The following CNTN4 variants were observed in gnomAD, a reference collection of about 807,000 sequenced individuals.
The protein encoded by CNTN4 is contactin 4.
In CNTN4, 77 loss-of-function variants were observed where a neutral mutation model predicts 122.5. The observed-to-expected ratio is 0.63, with a 90% CI of 0.52 to 0.76. CNTN4 has a LOEUF of 0.76. Among genes scored for constraint, CNTN4 ranks in the 30% least tolerant of loss-of-function variants. CNTN4 has a pLI of 0.00. For missense variants in CNTN4, 1,256 were observed against 1,259.1 expected (o/e 1.00, Z 0.04); for synonymous variants, 512 against 447.0 (o/e 1.15, Z -1.83).
chr3:2,859,143 G>A (rs188893077), intron 7 of CNTN4, among the ~76,000 whole-genome samples: 26 of 152,310 alleles, frequency 1.7e-4, no homozygotes, highest in Admixed American at 3.3e-4. Flanking sequence ...CCACATGTGA[G>A]TGAGATCATG....
At chr3:2,932,731 A>T (rs910322857) in intron 13 of CNTN4, among the ~76,000 whole-genome samples, 2 of 152,160 alleles carry the variant, frequency 1.3e-5, no homozygotes, top group Non-Finnish European at 2.9e-5. Context: ...TTCAGTATTT[A>T]AAAGGGAAAG....
chr3:2,478,788 A>G (rs1241950150), intron 3 of CNTN4, among the ~76,000 whole-genome samples: 3 of 152,174 alleles, frequency 2.0e-5, no homozygotes, highest in African/African-American at 7.2e-5. Context: ...GCTGAATAGT[A>G]TTCCATGGTG....
At chr3:2,116,113 C>T (rs1357383227) in intron 2 of CNTN4, among the ~76,000 whole-genome samples, 1 of 152,178 alleles carries the variant, frequency 6.6e-6, no homozygotes, top group East Asian at 1.9e-4. Flanking sequence ...CTCTTTCATA[C>T]ATAGCCATCA....
At chr3:2,789,438 C>CT (rs1211662578) in intron 6 of CNTN4, among the ~76,000 whole-genome samples, 1 of 152,126 alleles carries the variant, frequency 6.6e-6, no homozygotes, top group Non-Finnish European at 1.5e-5. Flanking sequence ...ACTCAGATTT[C>CT]TTTTTTTCTT....
At chr3:2,278,955 C>T (rs189134910) in intron 2 of CNTN4, among the ~76,000 whole-genome samples, 73 of 151,932 alleles carry the variant, frequency 4.8e-4, no homozygotes, top group Non-Finnish European at 8.2e-4. Context: ...GGAAATGACT[C>T]CCTGTTAGCT....
At chr3:2,641,295 A>G (rs2082884724) in intron 4 of CNTN4, among the ~76,000 whole-genome samples, 1 of 152,298 alleles carries the variant, frequency 6.6e-6, no homozygotes, top group East Asian at 1.9e-4. Context: ...ATCTGTAAAT[A>G]GATTTGAAAT....
At chr3:2,217,789 C>T (rs1329539049) in intron 2 of CNTN4, among the ~76,000 whole-genome samples, 1 of 152,058 alleles carries the variant, frequency 6.6e-6, no homozygotes, top group African/African-American at 2.4e-5. Flanking sequence ...TCATAGATGA[C>T]CTTAGAACAA....
chr3:2,423,483 T>G (rs77498827), intron 3 of CNTN4, among the ~76,000 whole-genome samples: 73 of 151,852 alleles, frequency 4.8e-4, no homozygotes, highest in Middle Eastern at 3.2e-3. Context: ...AAAACTTGTT[T>G]TTTTTTTTTT....
chr3:2,826,365 C>G (rs574226554), intron 7 of CNTN4, among the ~76,000 whole-genome samples: 5 of 152,270 alleles, frequency 3.3e-5, no homozygotes, highest in African/African-American at 1.2e-4. Context: ...TCTCTATATG[C>G]AAACCTCTCC....
At chr3:2,778,228 AT>A in intron 6 of CNTN4, among the ~76,000 whole-genome samples, 3 of 149,538 alleles carry the variant, frequency 2.0e-5, no homozygotes, top group African/African-American at 7.3e-5. Context: ...AAATAAATAA[AT>A]AAATAAATAA....
At chr3:2,451,534 C>G (rs1391757319) in intron 3 of CNTN4, among the ~76,000 whole-genome samples, 1 of 149,630 alleles carries the variant, frequency 6.7e-6, no homozygotes. Flanking sequence ...TTATATAGAT[C>G]TTAAATATAT....
At chr3:2,607,825 TTATG>T (rs1209642592) in intron 4 of CNTN4, among the ~76,000 whole-genome samples, 1 of 152,142 alleles carries the variant, frequency 6.6e-6, no homozygotes, top group Non-Finnish European at 1.5e-5. Flanking sequence ...TGGCTTTTGA[TTATG>T]TAGGGTATCA....
intron 6 of CNTN4, among the ~76,000 whole-genome samples, chr3:2,781,944 C>T (rs1002958672): frequency 1.1e-4 from 16 of 148,142 alleles, no homozygotes; most frequent in Non-Finnish European, 1.6e-4. Flanking sequence ...AGGATGGTCT[C>T]GATCTCCTGA....
chr3:2,799,981 T>G (rs2150049595), intron 6 of CNTN4, among the ~76,000 whole-genome samples: 1 of 152,184 alleles, frequency 6.6e-6, no homozygotes, highest in African/African-American at 2.4e-5. Flanking sequence ...TATTCTAGTC[T>G]CTTGATCTAT....
intron 24 of CNTN4, 87 bp downstream of exon 24, chr3:3,054,062 C>A: frequency 7.4e-7 from 1 of 1,354,742 alleles, no homozygotes; most frequent in Non-Finnish European, 1.0e-6. Flanking sequence ...AGACATTCAG[C>A]CTGCAAAAGC....
chr3:2,100,339 G>A (rs916684071), intron 1 of CNTN4, among the ~76,000 whole-genome samples: 3 of 152,248 alleles, frequency 2.0e-5, no homozygotes, highest in Admixed American at 6.5e-5. Context: ...GATAGTTCAA[G>A]GAGTAACTCC....
chr3:2,452,548 G>A (rs995073023), intron 3 of CNTN4, among the ~76,000 whole-genome samples: 12 of 152,080 alleles, frequency 7.9e-5, no homozygotes, highest in African/African-American at 2.2e-4. Context: ...CATTGTCCCC[G>A]AGGCCATAAC....
rs2037519774 is a variant in CNTN4, at chr3:2,191,050, T to G, written c.-145+90411T>G. On this transcript the variant is annotated intron_variant, in intron 2 of 24. Coordinates refer to ENST00000418658, the MANE Select transcript of CNTN4 (RefSeq NM_175607.3). ...AGGGCTTGACTCTCTCAGAATCTCC[T>G]CTATCCTCATCTCAAGCTTACTGGC... Among the ~76,000 whole-genome samples the G allele has an allele frequency of 2.0e-5, 3 of 152,020 alleles. No homozygotes were observed. The South Asian group carries it at 6.2e-4, about 32-fold the overall frequency.
rs376641737 is a variant in CNTN4 at position 2,988,448 on chromosome 3, A to G, written c.1462A>G (p.Ser488Gly). The change falls in exon 14 of 25, where the codon AGT becomes GGT. Residue 488 changes from serine (S) to glycine (G), a missense_variant. Physicochemically the swap from Ser to Gly is moderately conservative, Grantham distance 56. Transcript: ENST00000418658. ...CACTAACCATTTTGGAACTGCTAGC[A>G]GTACTGGAAACTTGGTAGTGAAAGG... is the stretch of plus-strand genomic sequence containing the variant. The part of the protein sequence containing the change: ...IATNHFGTAS[S>G]TGNLVVKDPT... 2.6e-5 allele frequency: 42 copies of G among 1,613,730 alleles called. No homozygotes were observed. Among genetic ancestry groups the G allele is most frequent in the Non-Finnish European group, 3.5e-5 (41 of 1,179,804 alleles).
Sources: allele counts gnomAD v4.1 joint callset (sites outside exome capture counted in the v4.1 genomes callset), GRCh38; gene constraint gnomAD v4.1.1; transcripts MANE v1.5; gene names NCBI Gene and HGNC (gene_info 2026-07-23, HGNC 2026-07-21).